The following IL7R variants were observed in gnomAD, a reference collection of about 807,000 sequenced individuals.
IL7R encodes interleukin-7 receptor subunit alpha.
IL7R carries 38 observed loss-of-function variants against 47.0 expected under a neutral mutation model. The ratio of observed to expected loss-of-function variants is 0.81; its 90% confidence interval spans 0.62 to 1.06. The LOEUF (loss-of-function observed/expected upper bound fraction) is 1.06. Among genes scored for constraint, IL7R ranks in the 50% least tolerant of loss-of-function variants. The pLI, the probability that IL7R is intolerant of heterozygous loss-of-function variation, is 0.00. For missense variants in IL7R, 633 were observed against 534.8 expected, an observed-to-expected ratio of 1.18 and a Z score of -1.81; for synonymous variants, 221 against 199.8, an observed-to-expected ratio of 1.11 and a Z score of -0.89.
At position 35,876,389 on chromosome 5, in the gene IL7R, T is replaced by A. The variant is rs1561426170; in HGVS notation, c.1283T>A (p.Leu428Ter). 6.2e-7 allele frequency: 1 copy of A among 1,613,620 alleles called. No individual in the cohort carries two copies. ...PFSLQSGILTLNPVAQGQPIL... is the reference protein window; with the variant it reads ...PFSLQSGILT The stretch of plus-strand genomic sequence containing the variant: ...TCTCTCCAATCTGGAATCCTGACAT[T>A]GAACCCAGTTGCTCAGGGTCAGCCC... Residue 428 changes from leucine to a stop codon, truncating the protein, a stop_gained, in exon 8 of 8, where the codon TTG becomes TAG. Coordinates refer to ENST00000303115, the MANE Select transcript of IL7R (RefSeq NM_002185.5). LOFTEE classifies it high-confidence loss of function.
intron 6 of IL7R, 92 bp from the exon 7 acceptor site, chr5:35,875,420 T>C (rs1256769664): frequency 2.2e-6 from 2 of 913,028 alleles, no homozygotes; most frequent in Non-Finnish European, 3.6e-6. Flanking sequence ...AGAAATCTGT[T>C]CTTCTGATTC....
Position 35,878,599 on chromosome 5 carries a change from A to T in IL7R, c.*2113A>T, listed in dbSNP as rs1047708047. The T allele has an allele frequency of 4.3e-6, 1 of 232,822 alleles. No individual in the cohort carries two copies. Among genetic ancestry groups the T allele is most frequent in the African/African-American group, 2.2e-5 (1 of 45,342 alleles). The allele number at this position is 232,822 out of a possible 1,614,324, so 14.4% of individuals were successfully genotyped here. On this transcript the variant is annotated 3_prime_UTR_variant, in exon 8 of 8. Transcript: ENST00000303115. ...TTTCATCAGTGGGCAGGTGTTCTTT[A>T]CCTTTTGTAGAAATGGGAGTCAAGT...
chr5:35,869,917 G>A (rs1250652555), intron 3 of IL7R, among the ~76,000 whole-genome samples: 2 of 152,126 alleles, frequency 1.3e-5, no homozygotes, highest in Non-Finnish European at 2.9e-5. Flanking sequence ...AGGCAAAGCA[G>A]CAGAAACAGG....
intron 7 of IL7R, 29 bp from the exon 8 acceptor site, chr5:35,875,954 T>C: frequency 6.2e-7 from 1 of 1,605,494 alleles, no homozygotes; most frequent in South Asian, 1.1e-5. Flanking sequence ...TGGTGCCATC[T>C]TAATACCCTT....
chr5:35,873,689 T>C, intron 5 of IL7R, 41 bp downstream of exon 5: 1 of 1,585,700 alleles, frequency 6.3e-7, no homozygotes, highest in Non-Finnish European at 8.7e-7. Context: ...TCAGAGTGCT[T>C]TGCATGTCAA....
chr5:35,874,680 C>A, intron 6 of IL7R, 138 bp downstream of exon 6: 1 of 740,276 alleles, frequency 1.4e-6, no homozygotes. Context: ...CCCTATCTAT[C>A]CTCAGCGAAT....
intron 7 of IL7R, 192 bp from the exon 8 acceptor site, chr5:35,875,791 G>A: frequency 2.6e-6 from 2 of 766,490 alleles, no homozygotes; most frequent in Non-Finnish European, 2.2e-6. Flanking sequence ...GGGGCTGGAG[G>A]GCACAGCCAG....
In IL7R at chr5:35,876,376, G is replaced by C. The variant is rs1760217897; in HGVS notation, c.1270G>C (p.Gly424Arg). 1 of 1,613,570 alleles carries C rather than the reference G, an allele frequency of 6.2e-7. No individual in the cohort carries two copies. The change falls in exon 8 of 8, where the codon GGA becomes CGA. Residue 424 changes from glycine (G) to arginine (R), a missense_variant. By Grantham distance (125) the Gly-to-Arg change is moderately radical. Transcript: ENST00000303115. ...GCCCCCTCCATTTTCTCTCCAATCT[G>C]GAATCCTGACATTGAACCCAGTTGC... ...TLPPPFSLQSGILTLNPVAQG... is the reference protein window; with the variant it reads ...TLPPPFSLQSRILTLNPVAQG...
intron 2 of IL7R, among the ~76,000 whole-genome samples, chr5:35,863,537 G>T (rs935809331): frequency 3.3e-5 from 5 of 152,136 alleles, no homozygotes; most frequent in African/African-American, 1.2e-4. Context: ...GTAGTAAAAG[G>T]CCTTCCTAGA....
Position 35,876,606 on chromosome 5 carries a change from C to G in IL7R, c.*120C>G. On this transcript the variant is annotated 3_prime_UTR_variant, in exon 8 of 8. Transcript: ENST00000303115. ...ACAAAATTAGCAAAACCCCACTACA[C>G]AGTCTGCAAGATTCTGAAACATTGC... 1.9e-6 allele frequency: 2 copies of G among 1,028,718 alleles called. No individual in the cohort carries two copies. Among genetic ancestry groups the G allele is most frequent in the Admixed American group, 3.8e-5 (2 of 52,022 alleles). 63.7% of individuals were successfully genotyped at this position (1,028,718 alleles called of 1,614,324 possible). A position where few individuals can be genotyped will look rare whatever the true frequency, so the allele number is the denominator to read the frequency against.
At position 35,879,398 on chromosome 5, in the gene IL7R, T is replaced by C. The variant is rs1760296930; in HGVS notation, c.*2912T>C. The C allele has an allele frequency of 4.3e-6, 1 of 232,958 alleles. No homozygotes were observed. The highest frequency in any genetic ancestry group is 8.5e-6 in the Non-Finnish European group (1 of 117,852). 14.4% of individuals were successfully genotyped at this position (232,958 alleles called of 1,614,324 possible). A position where few individuals can be genotyped will look rare whatever the true frequency, so the allele number is the denominator to read the frequency against. ...TATGTGGCAGAGCTCCTGGAAATGATGCAGATTAGGTGGCATTTTTGTCAG... is the reference window on the plus strand; with the variant it reads ...TATGTGGCAGAGCTCCTGGAAATGACGCAGATTAGGTGGCATTTTTGTCAG... On this transcript the variant is annotated 3_prime_UTR_variant, in exon 8 of 8. Transcript: ENST00000303115.
intron 1 of IL7R, among the ~76,000 whole-genome samples, chr5:35,857,434 C>T (rs577303624): frequency 7.9e-5 from 12 of 152,086 alleles, no homozygotes; most frequent in African/African-American, 1.9e-4. Flanking sequence ...TTTTGTTTGA[C>T]TTTTTAAGAA....
rs138482569 is a variant in IL7R at position 35,860,921 on chromosome 5, C to T, written c.152C>T (p.Ser51Leu). Reference sequence around the variant, plus strand: ...TATAGCCAGTTGGAAGTGAATGGATCGCAGCACTCACTGACCTGTGCTTTT... The same window carrying T: ...TATAGCCAGTTGGAAGTGAATGGATTGCAGCACTCACTGACCTGTGCTTTT... ...SCYSQLEVNGSQHSLTCAFED... is the reference protein window; with the variant it reads ...SCYSQLEVNGLQHSLTCAFED... Residue 51 changes from serine to leucine, a missense_variant, in exon 2 of 8, where the codon TCG becomes TTG. By Grantham distance (145) the Ser-to-Leu change is moderately radical. Coordinates refer to ENST00000303115, the MANE Select transcript of IL7R (RefSeq NM_002185.5). 1.1e-4 allele frequency: 177 copies of T among 1,613,132 alleles called. No individual in the cohort carries two copies. The African/African-American group carries it at 1.5e-3, about 13-fold the overall frequency.
intron 5 of IL7R, 86 bp from the exon 6 acceptor site, chr5:35,874,363 T>C: frequency 1.1e-6 from 1 of 883,056 alleles, no homozygotes; most frequent in South Asian, 1.3e-5. Context: ...TGGGCCCACA[T>C]TACTAAGTAA....
chr5:35,867,167 G>C (rs1759959043), intron 2 of IL7R, 139 bp from the exon 3 acceptor site: 1 of 697,402 alleles, frequency 1.4e-6, no homozygotes, highest in South Asian at 1.7e-5. Context: ...TCTCATTCCT[G>C]AACATGCCTC....
chr5:35,859,753 A>C (rs908150687), intron 1 of IL7R, among the ~76,000 whole-genome samples: 4 of 152,178 alleles, frequency 2.6e-5, no homozygotes, highest in African/African-American at 9.6e-5. Context: ...TCTCTGGGAC[A>C]ATCAACTGGG....
chr5:35,873,778 TC>T, intron 5 of IL7R, 130 bp downstream of exon 5: 1 of 836,648 alleles, frequency 1.2e-6, no homozygotes, highest in African/African-American at 1.7e-5. Context: ...TCTTACACTT[TC>T]TTTGGAGAAT....
rs149458295 is a variant in IL7R at position 35,877,748 on chromosome 5, G to T, written c.*1262G>T. On this transcript the variant is annotated 3_prime_UTR_variant, in exon 8 of 8. Transcript: ENST00000303115. ...AATCTTGAAGATATACGGAAGAGAC[G>T]TATTATTAATGCTTGACATATATCA... 7.7e-5 allele frequency: 18 copies of T among 233,142 alleles called. No individual in the cohort carries two copies. The highest frequency in any genetic ancestry group is 4.0e-4 in the African/African-American group (18 of 45,344). 14.4% of individuals were successfully genotyped at this position (233,142 alleles called of 1,614,324 possible). A position where few individuals can be genotyped will look rare whatever the true frequency, so the allele number is the denominator to read the frequency against.
At chr5:35,873,376 G>T in intron 4 of IL7R, 104 bp from the exon 5 acceptor site, 1 of 983,386 alleles carries the variant, frequency 1.0e-6, no homozygotes, top group East Asian at 2.5e-5. Flanking sequence ...GACAACTTCA[G>T]AGAATGCTTA....
Sources: gnomAD v4.1 joint callset for allele counts (sites outside exome capture counted in the v4.1 genomes callset) on GRCh38, gnomAD v4.1.1 for gene constraint, MANE v1.5 for transcripts, NCBI Gene and HGNC (gene_info 2026-07-23, HGNC 2026-07-21) for gene names.